Variants in MLLT3 observed in about 807,000 individuals in gnomAD.
MLLT3 encodes the protein protein AF-9.
Under a neutral mutation model 53.2 loss-of-function variants are expected in MLLT3, and 4 were observed. The observed-to-expected ratio is 0.08, with a 90% CI of 0.04 to 0.17. MLLT3 has a LOEUF of 0.17. Among genes scored for constraint, MLLT3 ranks in the 10% least tolerant of loss-of-function variants. MLLT3 has a pLI of 1.00. For synonymous variants in MLLT3, 283 were observed against 230.6 expected (o/e 1.23, Z -2.06); for missense variants, 569 against 684.0 (o/e 0.83, Z 1.87).
intron 2 of MLLT3, among the ~76,000 whole-genome samples, chr9:20,580,742 A>G (rs889044609): frequency 1.3e-5 from 2 of 152,232 alleles, no homozygotes; most frequent in Non-Finnish European, 2.9e-5. Flanking sequence ...GCCTTGAAAT[A>G]AAGCAGTCAA....
intron 2 of MLLT3, among the ~76,000 whole-genome samples, chr9:20,520,321 A>G (rs537707975): frequency 6.6e-6 from 1 of 152,218 alleles, no homozygotes; most frequent in East Asian, 1.9e-4. Context: ...CTACATAACA[A>G]ATCTGCACAT....
At chr9:20,411,653 G>C (rs10964555) in intron 5 of MLLT3, among the ~76,000 whole-genome samples, 21,645 of 152,048 alleles carry the variant, frequency 0.14, 3,020 homozygotes, top group East Asian at 0.66. Flanking sequence ...CTACTGTAAA[G>C]TTTTCCAATT....
chr9:20,475,529 G>A (rs1369933073), intron 2 of MLLT3, among the ~76,000 whole-genome samples: 1 of 151,964 alleles, frequency 6.6e-6, no homozygotes, highest in Non-Finnish European at 1.5e-5. Context: ...TCTACTATTA[G>A]GCAGCTGTAT....
chr9:20,509,939 G>T lies in MLLT3; in HGVS notation c.194-53153C>A, dbSNP rs546811028. Among the ~76,000 whole-genome samples the T allele has an allele frequency of 1.3e-5, 2 of 151,578 alleles. 1 individual carries two copies. The highest frequency in any genetic ancestry group is 4.8e-5 in the African/African-American group (2 of 41,270). ...AGGCAGGCCAGTTGGCTTCCTGGAA[G>T]CTCAGGTTCTTCATAAAGATGAGAA... On this transcript the variant is annotated intron_variant, in intron 2 of 10. Transcript: ENST00000380338.
chr9:20,404,699 T>C (rs1482701023), intron 5 of MLLT3, among the ~76,000 whole-genome samples: 1 of 152,110 alleles, frequency 6.6e-6, no homozygotes, highest in African/African-American at 2.4e-5. Context: ...GGAGACATGA[T>C]CTCACTATGT....
chr9:20,411,487 G>A (rs550539382), intron 5 of MLLT3, among the ~76,000 whole-genome samples: 1 of 152,258 alleles, frequency 6.6e-6, no homozygotes, highest in Admixed American at 6.5e-5. Flanking sequence ...AGACTAATAA[G>A]GAAAGTACGG....
At chr9:20,375,527 G>A (rs1383120174) in intron 5 of MLLT3, among the ~76,000 whole-genome samples, 2 of 151,550 alleles carry the variant, frequency 1.3e-5, no homozygotes, top group African/African-American at 4.9e-5. Flanking sequence ...CTGATCCATT[G>A]CTTCTAACAT....
At chr9:20,391,155 C>T (rs144296854) in intron 5 of MLLT3, among the ~76,000 whole-genome samples, 60 of 152,268 alleles carry the variant, frequency 3.9e-4, no homozygotes, top group African/African-American at 1.3e-3. Context: ...CTTGCTTGGT[C>T]CTACCAACTC....
chr9:20,467,592 A>C (rs1824268133), intron 2 of MLLT3, among the ~76,000 whole-genome samples: 1 of 152,204 alleles, frequency 6.6e-6, no homozygotes, highest in African/African-American at 2.4e-5. Context: ...ATAAAATAAC[A>C]AAATAAAAAA....
chr9:20,444,649 GA>G (rs1353662466), intron 4 of MLLT3, among the ~76,000 whole-genome samples: 1 of 152,090 alleles, frequency 6.6e-6, no homozygotes, highest in African/African-American at 2.4e-5. Flanking sequence ...GAGGGGGGCT[GA>G]TCATTTCAGC....
intron 2 of MLLT3, among the ~76,000 whole-genome samples, chr9:20,534,233 G>A (rs1362480047): frequency 2.6e-5 from 4 of 152,140 alleles, no homozygotes; most frequent in Non-Finnish European, 4.4e-5. Context: ...AGTTGCTACC[G>A]TGGGAGAACT....
rs764482640 is a variant in MLLT3 at position 20,342,189 on chromosome 9, T to C, written c.*4254A>G. ...GACTCTCAGCAAATCAGTACAATTA[T>C]ACATTTTAAAAAAGGTGCTGAAACA... On this transcript the variant is annotated 3_prime_UTR_variant, in exon 11 of 11. Transcript: ENST00000380338. The C allele has an allele frequency of 9.2e-6, 2 of 217,940 alleles. No individual in the cohort carries two copies. Among genetic ancestry groups the C allele is most frequent in the Admixed American group, 5.8e-5 (1 of 17,262 alleles). The allele number at this position is 217,940 out of a possible 1,614,324, so 13.5% of individuals were successfully genotyped here.
At chr9:20,604,876 T>A (rs1389229574) in intron 2 of MLLT3, among the ~76,000 whole-genome samples, 1 of 152,152 alleles carries the variant, frequency 6.6e-6, no homozygotes, top group Non-Finnish European at 1.5e-5. Context: ...AAACTTTTAT[T>A]CACATATATG....
chr9:20,485,419 A>C (rs1004147763), intron 2 of MLLT3, among the ~76,000 whole-genome samples: 4 of 152,206 alleles, frequency 2.6e-5, no homozygotes, highest in Admixed American at 6.5e-5. Flanking sequence ...GGGAACTATA[A>C]ATTTCATACA....
intron 2 of MLLT3, among the ~76,000 whole-genome samples, chr9:20,557,067 G>C (rs915172203): frequency 6.6e-6 from 1 of 152,030 alleles, no homozygotes; most frequent in Non-Finnish European, 1.5e-5. Context: ...ACAGCTCCTC[G>C]GTTTGCACCT....
intron 2 of MLLT3, among the ~76,000 whole-genome samples, chr9:20,590,007 G>C (rs1393067245): frequency 6.6e-6 from 1 of 152,104 alleles, no homozygotes; most frequent in Non-Finnish European, 1.5e-5. Context: ...CTGGTGATTT[G>C]TAAGCAGCCC....
intron 5 of MLLT3, among the ~76,000 whole-genome samples, chr9:20,391,049 T>G (rs1230097830): frequency 2.0e-5 from 3 of 152,226 alleles, no homozygotes; most frequent in Non-Finnish European, 4.4e-5. Context: ...ATTTTATATA[T>G]TTCTACACCC....
At chr9:20,471,772 A>G (rs545323016) in intron 2 of MLLT3, among the ~76,000 whole-genome samples, 9 of 152,132 alleles carry the variant, frequency 5.9e-5, no homozygotes, top group African/African-American at 1.9e-4. Context: ...CTTCTGACTA[A>G]CCAAGAGATA....
chr9:20,502,011 G>T (rs1228822184), intron 2 of MLLT3, among the ~76,000 whole-genome samples: 1 of 149,328 alleles, frequency 6.7e-6, no homozygotes, highest in South Asian at 2.1e-4. Flanking sequence ...AACATGGGAG[G>T]CGGAGGTTGC....
Sources: gnomAD v4.1 joint callset for allele counts (sites outside exome capture counted in the v4.1 genomes callset) on GRCh38, gnomAD v4.1.1 for gene constraint, MANE v1.5 for transcripts, NCBI Gene and HGNC (gene_info 2026-07-23, HGNC 2026-07-21) for gene names.